SPMIP7: variants seen among roughly 807,000 people sequenced by gnomAD.
The protein encoded by SPMIP7 is sperm microtubule inner protein 7.
chr7:50,097,248 G>A, the SPMIP7 span, among the ~76,000 whole-genome samples: 1 of 152,168 alleles, frequency 6.6e-6, no homozygotes, highest in Non-Finnish European at 1.5e-5. Flanking sequence ...AAAGCCACAG[G>A]TACTATTTTC....
chr7:50,157,663 C>T, the SPMIP7 span, among the ~76,000 whole-genome samples: 4 of 152,124 alleles, frequency 2.6e-5, no homozygotes. Context: ...ATTTCCCATA[C>T]CAGCATTGTA....
chr7:50,132,721 C>CA, the SPMIP7 span, among the ~76,000 whole-genome samples: 29 of 152,232 alleles, frequency 1.9e-4, no homozygotes, highest in Non-Finnish European at 4.1e-4. Flanking sequence ...TTCTATGACA[C>CA]TAATTTTAAG....
At chr7:50,122,422 G>A in the SPMIP7 span, among the ~76,000 whole-genome samples, 1,260 of 112,948 alleles carry the variant, frequency 0.011, no homozygotes, top group South Asian at 0.015. Flanking sequence ...AATTCAAGAT[G>A]GATTAAAGAC....
chr7:50,126,082 T>C, the SPMIP7 span, among the ~76,000 whole-genome samples: 3 of 152,130 alleles, frequency 2.0e-5, no homozygotes, highest in Non-Finnish European at 4.4e-5. Flanking sequence ...CGAATCATCA[T>C]GTTGAACACC....
chr7:50,097,405 C>T, the SPMIP7 span, among the ~76,000 whole-genome samples: 48 of 152,266 alleles, frequency 3.2e-4, no homozygotes, highest in Admixed American at 2.6e-3. Flanking sequence ...GCAAAGCTAA[C>T]ATAGGGCTAA....
At chr7:50,136,351 G>A in the SPMIP7 span, among the ~76,000 whole-genome samples, 2 of 152,158 alleles carry the variant, frequency 1.3e-5, no homozygotes, top group Non-Finnish European at 2.9e-5. Flanking sequence ...GTTGCTCAGT[G>A]TGCCTGCTTC....
the SPMIP7 span, chr7:50,151,566 G>A: frequency 6.6e-7 from 1 of 1,519,758 alleles, no homozygotes; most frequent in Non-Finnish European, 8.9e-7. Flanking sequence ...CGGTAAGTAT[G>A]AATCCTATTA....
At chr7:50,137,212 G>A in the SPMIP7 span, among the ~76,000 whole-genome samples, 1 of 151,890 alleles carries the variant, frequency 6.6e-6, no homozygotes, top group Non-Finnish European at 1.5e-5. Flanking sequence ...TACTAATAAA[G>A]TCATAGTTTC....
the SPMIP7 span, among the ~76,000 whole-genome samples, chr7:50,110,689 T>C: frequency 7.7e-6 from 1 of 129,048 alleles, no homozygotes; most frequent in Non-Finnish European, 1.5e-5. Context: ...TAATACATTA[T>C]ATATACATAT....
the SPMIP7 span, among the ~76,000 whole-genome samples, chr7:50,140,366 T>TGAAA: frequency 6.6e-6 from 1 of 151,780 alleles, no homozygotes. Context: ...TTGATTTTGA[T>TGAAA]GAAAGAAAGA....
the SPMIP7 span, among the ~76,000 whole-genome samples, chr7:50,147,601 A>G: frequency 1.3e-5 from 2 of 152,212 alleles, no homozygotes; most frequent in Non-Finnish European, 2.9e-5. Flanking sequence ...CACATATACA[A>G]TACATATATT....
the SPMIP7 span, among the ~76,000 whole-genome samples, chr7:50,151,855 C>T: frequency 1.3e-5 from 2 of 152,090 alleles, no homozygotes; most frequent in African/African-American, 2.4e-5. Flanking sequence ...GTATTTCAGG[C>T]GCATTAGAGG....
chr7:50,100,863 C>A, the SPMIP7 span, among the ~76,000 whole-genome samples: 6 of 76,088 alleles, frequency 7.9e-5, no homozygotes, highest in Non-Finnish European at 1.6e-4. Context: ...AAAATAAAAT[C>A]GTTTTTCTCA....
chr7:50,132,797 A>G, the SPMIP7 span, among the ~76,000 whole-genome samples: 14 of 152,284 alleles, frequency 9.2e-5, 1 homozygote, highest in Middle Eastern at 0.01. Flanking sequence ...GATCTACTTA[A>G]CTTTTCCAAT....
At chr7:50,124,638 AAAG>A in the SPMIP7 span, among the ~76,000 whole-genome samples, 1 of 152,222 alleles carries the variant, frequency 6.6e-6, no homozygotes, top group African/African-American at 2.4e-5. Context: ...CCTACAGGTC[AAAG>A]AAGAAGTCAC....
chr7:50,140,033 T>G, the SPMIP7 span: 720 of 733,142 alleles, frequency 9.8e-4, no homozygotes, highest in Non-Finnish European at 1.3e-3. Flanking sequence ...ACAATTCCTA[T>G]GAGATATCTG....
At chr7:50,128,678 G>A in the SPMIP7 span, among the ~76,000 whole-genome samples, 8 of 151,940 alleles carry the variant, frequency 5.3e-5, no homozygotes, top group Admixed American at 3.3e-4. Context: ...TAGAGATAAA[G>A]CAATGCAAAA....
chr7:50,141,214 TG>T, the SPMIP7 span: 1 of 1,048,198 alleles, frequency 9.5e-7, no homozygotes, highest in African/African-American at 1.6e-5. Context: ...GTTAGAATAC[TG>T]TTCAATGGTT....
At chr7:50,134,505 C>T in the SPMIP7 span, among the ~76,000 whole-genome samples, 2 of 152,056 alleles carry the variant, frequency 1.3e-5, no homozygotes, top group Non-Finnish European at 2.9e-5. Flanking sequence ...GTAAAGACTA[C>T]CTCTTTCTCA....
Sources: gnomAD v4.1 joint callset for allele counts (sites outside exome capture counted in the v4.1 genomes callset) on GRCh38, gnomAD v4.1.1 for gene constraint, MANE v1.5 for transcripts, NCBI Gene and HGNC (gene_info 2026-07-23, HGNC 2026-07-21) for gene names.